Variants in PASD1 observed in about 807,000 individuals in gnomAD.
PASD1 encodes PAS domain containing repressor 1.
In PASD1, 13 loss-of-function variants were observed where a neutral mutation model predicts 58.8. The observed-to-expected ratio is 0.22, with a 90% CI of 0.14 to 0.35. The LOEUF (loss-of-function observed/expected upper bound fraction) is 0.35, where lower values mean the gene tolerates loss of function less well. Ranked by LOEUF, PASD1 falls within the 10% of genes least tolerant of loss-of-function variation. The pLI is 1.00. For missense variants in PASD1, 734 were observed against 568.3 expected, an observed-to-expected ratio of 1.29 and a Z score of -2.96; for synonymous variants, 236 against 216.7, an observed-to-expected ratio of 1.09 and a Z score of -0.78.
At chrX:151,657,062 C>T (rs1407769467) in intron 9 of PASD1, among the ~76,000 whole-genome samples, 12 of 111,759 alleles carry the variant, frequency 1.1e-4, no homozygotes, top group Non-Finnish European at 2.3e-4. Context: ...GAGTTTTTAG[C>T]ATGAAGGGCT....
At chrX:151,627,665 A>G (rs1442644668) in intron 8 of PASD1, among the ~76,000 whole-genome samples, 11 of 111,876 alleles carry the variant, frequency 9.8e-5, no homozygotes, top group African/African-American at 3.6e-4. Flanking sequence ...CAGTAAACAT[A>G]TGTGTGCACG....
At chrX:151,601,040 T>G (rs989966272) in intron 1 of PASD1, among the ~76,000 whole-genome samples, 2 of 112,318 alleles carry the variant, frequency 1.8e-5, no homozygotes, top group African/African-American at 3.2e-5. Flanking sequence ...TGTCAAGGAT[T>G]TCTGTGAACA....
At chrX:151,648,740 C>T (rs1474805370) in intron 9 of PASD1, 38 bp downstream of exon 9, 8 of 1,173,010 alleles carry the variant, frequency 6.8e-6, no homozygotes, top group South Asian at 1.9e-5. Flanking sequence ...AATCTTAGAC[C>T]CTTATCCGTG....
At chrX:151,575,246 A>G (rs748275398) in intron 1 of PASD1, among the ~76,000 whole-genome samples, 29 of 109,241 alleles carry the variant, frequency 2.7e-4, no homozygotes, top group Non-Finnish European at 5.1e-4. Flanking sequence ...GGTGATGAAC[A>G]TTCCCAGTTT....
rs777952997 is a variant in PASD1 at position 151,618,325 on chromosome X, A to C, written c.208-2605A>C. On this transcript the variant is annotated intron_variant, in intron 4 of 15. Transcript: ENST00000370357. ...AGATTATTAATGCTAATCAGTTAAA[A>C]AATCATTGGAATTTGTGGTTCATCA... Among the ~76,000 whole-genome samples, 87 of 112,320 alleles carry C rather than the reference A, an allele frequency of 7.7e-4. 1 individual carries two copies. Among genetic ancestry groups the C allele is most frequent in the African/African-American group, 2.7e-3 (85 of 31,015 alleles).
chrX:151,636,437 T>C (rs916805938), intron 8 of PASD1, among the ~76,000 whole-genome samples: 1 of 111,961 alleles, frequency 8.9e-6, no homozygotes, highest in African/African-American at 3.3e-5. Context: ...AATTTCTCGC[T>C]CTGTCGCCCA....
intron 11 of PASD1, among the ~76,000 whole-genome samples, chrX:151,665,720 A>T (rs1469079256): frequency 9.0e-6 from 1 of 111,078 alleles, no homozygotes; most frequent in Non-Finnish European, 1.9e-5. Context: ...CTCTCCTTCG[A>T]TGGAGTGGTG....
chrX:151,648,095 A>G (rs905262505), intron 8 of PASD1, among the ~76,000 whole-genome samples: 1 of 110,950 alleles, frequency 9.0e-6, no homozygotes, highest in Non-Finnish European at 1.9e-5. Context: ...TCATTCATTC[A>G]TATTTTCTCA....
At chrX:151,627,030 T>C (rs962738941) in intron 8 of PASD1, among the ~76,000 whole-genome samples, 1 of 111,645 alleles carries the variant, frequency 9.0e-6, no homozygotes, top group Non-Finnish European at 1.9e-5. Flanking sequence ...TTTGCTTGAT[T>C]AAAAATTCTT....
At chrX:151,662,810 A>C (rs2014328019) in intron 10 of PASD1, among the ~76,000 whole-genome samples, 1 of 112,322 alleles carries the variant, frequency 8.9e-6, no homozygotes, top group African/African-American at 3.2e-5. Context: ...CATAAAAAGT[A>C]GTTTCACAAT....
intron 1 of PASD1, among the ~76,000 whole-genome samples, chrX:151,573,697 T>C (rs987968958): frequency 1.8e-5 from 2 of 112,175 alleles, no homozygotes; most frequent in Non-Finnish European, 3.8e-5. Flanking sequence ...GGGAAGGACA[T>C]TTTAGGCAAG....
chrX:151,663,809 C>T (rs1026471982), intron 10 of PASD1, among the ~76,000 whole-genome samples: 2 of 111,423 alleles, frequency 1.8e-5, no homozygotes, highest in African/African-American at 6.5e-5. Flanking sequence ...TTGGTTTTAT[C>T]GGTTGGATGG....
intron 7 of PASD1, among the ~76,000 whole-genome samples, chrX:151,623,966 C>A (rs1182332900): frequency 9.0e-6 from 1 of 111,512 alleles, no homozygotes; most frequent in Non-Finnish European, 1.9e-5. Context: ...TTATGTAGAA[C>A]TTTGAGATCC....
intron 1 of PASD1, among the ~76,000 whole-genome samples, chrX:151,598,568 C>A (rs2013352773): frequency 9.0e-6 from 1 of 111,394 alleles, no homozygotes; most frequent in African/African-American, 3.3e-5. Flanking sequence ...TGTCTCATAA[C>A]CTCTTGTTTC....
chrX:151,652,977 A>G (rs2014151495), intron 9 of PASD1, among the ~76,000 whole-genome samples: 2 of 110,195 alleles, frequency 1.8e-5, no homozygotes, highest in African/African-American at 3.3e-5. Context: ...GAGCAGAAGA[A>G]TGGCATGACC....
At chrX:151,587,706 AAAACACCAGGATGCCTG>A (rs1307076083) in intron 1 of PASD1, among the ~76,000 whole-genome samples, 1 of 111,796 alleles carries the variant, frequency 8.9e-6, no homozygotes, top group Non-Finnish European at 1.9e-5. Context: ...GGATACCTCA[AAAACACCAGGATGCCTG>A]ATTCTGTTCC....
chrX:151,621,270 A>G lies in PASD1; in HGVS notation c.308-212A>G, dbSNP rs745476053. Reference sequence around the variant, plus strand: ...ATTTGTACAATTGCATTAGTGCTATATAAATGATGGACCATTGTATATAGC... The same window carrying G: ...ATTTGTACAATTGCATTAGTGCTATGTAAATGATGGACCATTGTATATAGC... On this transcript the variant is annotated intron_variant, in intron 5 of 15. Transcript: ENST00000370357. Among the ~76,000 whole-genome samples the G allele has an allele frequency of 4.5e-5, 5 of 111,848 alleles. No homozygotes were observed. The East Asian group carries it at 1.4e-3, about 32-fold the overall frequency.
At chrX:151,575,100 G>C (rs2012983570) in intron 1 of PASD1, among the ~76,000 whole-genome samples, 1 of 111,803 alleles carries the variant, frequency 8.9e-6, no homozygotes, top group Non-Finnish European at 1.9e-5. Context: ...GCATGAGAAA[G>C]CTCAGTCCCT....
chrX:151,607,856 C>T (rs982580300), intron 3 of PASD1, among the ~76,000 whole-genome samples: 2 of 111,756 alleles, frequency 1.8e-5, no homozygotes, highest in African/African-American at 6.5e-5. Flanking sequence ...AGTTAGGAGA[C>T]TAGGTTGGGA....
Sources: gnomAD v4.1 joint callset for allele counts (sites outside exome capture counted in the v4.1 genomes callset) on GRCh38, gnomAD v4.1.1 for gene constraint, MANE v1.5 for transcripts, NCBI Gene and HGNC (gene_info 2026-07-23, HGNC 2026-07-21) for gene names.